Variants in TRPA1 observed in about 807,000 individuals in gnomAD.
TRPA1 encodes the protein ankyrin-like with transmembrane domains 1.
TRPA1 carries 129 observed loss-of-function variants against 131.3 expected under a neutral mutation model. The observed-to-expected ratio is 0.98, with a 90% confidence interval of 0.85 to 1.14. The LOEUF is 1.14. Ranked by LOEUF, TRPA1 falls within the 50% of genes most tolerant of loss-of-function variation. TRPA1 has a pLI of 0.00. For missense variants in TRPA1, 1,304 were observed against 1,354.2 expected, an observed-to-expected ratio of 0.96 and a Z score of 0.58; for synonymous variants, 441 against 451.7, an observed-to-expected ratio of 0.98 and a Z score of 0.30.
At chr8:72,060,282 G>T (rs1348414682) in intron 7 of TRPA1, 1 of 152,010 alleles carries the variant, frequency 6.6e-6, no homozygotes, top group Non-Finnish European at 1.5e-5. Flanking sequence ...CATTGGGTTT[G>T]TAAATTGGTG....
chr8:72,031,054 TCTCCA>T (rs1319884225), intron 23 of TRPA1, among the ~76,000 whole-genome samples: 1 of 152,126 alleles, frequency 6.6e-6, no homozygotes, highest in African/African-American at 2.4e-5. Context: ...TCTGTCAAGG[TCTCCA>T]CTGTATGCCC....
At chr8:72,050,660 A>G in intron 15 of TRPA1, 118 bp downstream of exon 15, 1 of 733,218 alleles carries the variant, frequency 1.4e-6, no homozygotes, top group Non-Finnish European at 2.4e-6. Context: ...CATTTCCCTT[A>G]CAGCCTATGG....
At chr8:72,041,918 C>T (rs1361067928) in intron 17 of TRPA1, among the ~76,000 whole-genome samples, 1 of 151,376 alleles carries the variant, frequency 6.6e-6, no homozygotes, top group Non-Finnish European at 1.5e-5. Context: ...ATCAATGAAA[C>T]CAAGAATTGG....
chr8:72,081,949 T>C, the TRPA1 span, among the ~76,000 whole-genome samples: 1 of 151,900 alleles, frequency 6.6e-6, no homozygotes, highest in Non-Finnish European at 1.5e-5. Flanking sequence ...CCCTTTTAAT[T>C]ACAATATTTA....
chr8:72,031,700 C>G (rs1811830985), intron 23 of TRPA1, among the ~76,000 whole-genome samples: 1 of 151,984 alleles, frequency 6.6e-6, no homozygotes, highest in African/African-American at 2.4e-5. Context: ...TTTTTGGGCT[C>G]TGAAGACATT....
intron 23 of TRPA1, among the ~76,000 whole-genome samples, chr8:72,031,577 C>CAA (rs201196477): frequency 1.5e-5 from 2 of 134,920 alleles, no homozygotes; most frequent in African/African-American, 5.4e-5. Context: ...GATCCTATCT[C>CAA]AAAAAAAACA....
rs757390701 is a variant in TRPA1 at position 72,057,795 on chromosome 8, C to T, written c.1015G>A (p.Asp339Asn). 1.1e-5 allele frequency: 17 copies of T among 1,613,430 alleles called. No individual in the cohort carries two copies. Among genetic ancestry groups the T allele is most frequent in the Middle Eastern group, 3.3e-4 (2 of 6,078 alleles). Reference sequence around the variant, plus strand: ...ATAAGTGGAGAGCGTCCTTCAGAATCGATCTTATTAATATCTGCTCCCTAA... The same window carrying T: ...ATAAGTGGAGAGCGTCCTTCAGAATTGATCTTATTAATATCTGCTCCCTAA... ...ISVGADINKI[D>N]SEGRSPLILA... The change falls in exon 9 of 27, where the codon GAT (aspartate) becomes AAT (asparagine). Residue 339 changes from aspartate (D) to asparagine (N), a missense_variant. Asp to Asn is a conservative substitution (Grantham distance 23). Coordinates refer to ENST00000262209, the MANE Select transcript of TRPA1 (RefSeq NM_007332.3).
In TRPA1 at chr8:72,052,619, A is replaced by T. The variant is rs896445688; in HGVS notation, c.1791T>A (p.Leu597=). 9.3e-6 allele frequency: 15 copies of T among 1,613,510 alleles called. No homozygotes were observed. Among genetic ancestry groups the T allele is most frequent in the African/African-American group, 1.3e-5 (1 of 74,862 alleles). The change falls in exon 14 of 27, where the codon CTT becomes CTA. Residue 597 remains leucine, a synonymous_variant. Coordinates refer to ENST00000262209, the MANE Select transcript of TRPA1 (RefSeq NM_007332.3). ...TGTACCTTTTGCTCCTGATGATCGT[A>T]AGAACAACCTCCTTCCTCTTATTGT... is the stretch of plus-strand genomic sequence containing the variant. ...ALHNKRKEVV[L]TIIRSKRWDE...
At chr8:72,078,606 C>T (rs1275305917), upstream of TRPA1, among the ~76,000 whole-genome samples, 1 of 152,012 alleles carries the variant, frequency 6.6e-6, no homozygotes, top group African/African-American at 2.4e-5. Flanking sequence ...TTTTATTGAT[C>T]AATAGTATTC....
intron 5 of TRPA1, 129 bp downstream of exon 5, chr8:72,063,334 C>T (rs1805851561): frequency 1.5e-6 from 1 of 670,246 alleles, no homozygotes; most frequent in African/African-American, 1.8e-5. Flanking sequence ...GAGCTGAGAT[C>T]ACACCACTGC....
At chr8:72,089,213 C>T in the TRPA1 span, among the ~76,000 whole-genome samples, 149 of 151,964 alleles carry the variant, frequency 9.8e-4, no homozygotes, top group African/African-American at 3.4e-3. Flanking sequence ...AAAATGTTTC[C>T]GTGATATCTG....
intron 24 of TRPA1, among the ~76,000 whole-genome samples, chr8:72,028,356 T>C (rs942798775): frequency 6.6e-6 from 1 of 152,240 alleles, no homozygotes; most frequent in African/African-American, 2.4e-5. Flanking sequence ...CTAACATGAA[T>C]GATCCTTCCA....
At chr8:72,061,875 A>G (rs773423455) in intron 6 of TRPA1, 114 bp from the exon 7 acceptor site, 2 of 1,121,614 alleles carry the variant, frequency 1.8e-6, no homozygotes, top group Non-Finnish European at 2.6e-6. Flanking sequence ...AATATCTATC[A>G]GGCTGATCAC....
the TRPA1 span, among the ~76,000 whole-genome samples, chr8:72,086,643 T>C: frequency 6.6e-6 from 1 of 152,212 alleles, no homozygotes. Flanking sequence ...TTCATTTCTT[T>C]ATAAGTTATT....
intron 4 of TRPA1, among the ~76,000 whole-genome samples, chr8:72,064,661 T>A (rs1563402696): frequency 3.3e-5 from 5 of 152,196 alleles, no homozygotes; most frequent in Admixed American, 3.3e-4. Context: ...TAAATATTTT[T>A]AAATTATTTA....
At chr8:72,065,094 C>G (rs148513932) in intron 4 of TRPA1, among the ~76,000 whole-genome samples, 139 of 152,296 alleles carry the variant, frequency 9.1e-4, no homozygotes, top group Non-Finnish European at 1.6e-3. Context: ...TATTCAGAAG[C>G]TCAGAATCAT....
At chr8:72,048,288 A>T (rs1406567424) in intron 15 of TRPA1, among the ~76,000 whole-genome samples, 1 of 152,102 alleles carries the variant, frequency 6.6e-6, no homozygotes, top group Non-Finnish European at 1.5e-5. Context: ...AGGACTAGAC[A>T]AAATACCCCA....
At chr8:72,041,082 C>T (rs1812235502) in intron 17 of TRPA1, 1 of 151,858 alleles carries the variant, frequency 6.6e-6, no homozygotes, top group Non-Finnish European at 1.5e-5. Flanking sequence ...TTACATCAGA[C>T]AAAATAGACT....
chr8:72,052,196 C>T (rs10957580), intron 14 of TRPA1, among the ~76,000 whole-genome samples: 56,288 of 151,928 alleles, frequency 0.37, 10,921 homozygotes, highest in East Asian at 0.55. Flanking sequence ...CCGAGGTGGG[C>T]GAATCACTTG....
Sources: allele counts gnomAD v4.1 joint callset (sites outside exome capture counted in the v4.1 genomes callset), GRCh38; gene constraint gnomAD v4.1.1; transcripts MANE v1.5; gene names NCBI Gene and HGNC (gene_info 2026-07-23, HGNC 2026-07-21).